Variants in OLFM2 observed in about 807,000 individuals in gnomAD.
OLFM2 encodes the protein noelin-2.
In OLFM2, 20 loss-of-function variants were observed where a neutral mutation model predicts 43.9. The observed-to-expected ratio is 0.46, with a 90% CI of 0.32 to 0.66. The LOEUF (loss-of-function observed/expected upper bound fraction) is 0.66. OLFM2 is among the 30% of genes least tolerant of loss of function. OLFM2 has a pLI of 0.04. For synonymous variants in OLFM2, 268 were observed against 278.6 expected, an observed-to-expected ratio of 0.96 and a Z score of 0.38; for missense variants, 416 against 643.6, an observed-to-expected ratio of 0.65 and a Z score of 3.83.
intron 1 of OLFM2, among the ~76,000 whole-genome samples, chr19:9,875,677 TTTG>T (rs2046481248): frequency 6.8e-6 from 1 of 147,654 alleles, no homozygotes; most frequent in African/African-American, 2.6e-5. Context: ...TTGTTTTTCT[TTTG>T]TTTTTTGTTT....
chr19:9,917,621 C>G (rs12982962), intron 1 of OLFM2, among the ~76,000 whole-genome samples: 63,085 of 151,896 alleles, frequency 0.42, 13,701 homozygotes, highest in Admixed American at 0.55. Context: ...CACATCCTCT[C>G]TTTGCCATGT....
intron 1 of OLFM2, among the ~76,000 whole-genome samples, chr19:9,901,052 G>A (rs1249015131): frequency 6.0e-5 from 4 of 67,226 alleles, no homozygotes; most frequent in Non-Finnish European, 1.2e-4. Context: ...GGAGGGAAGG[G>A]AGGGAGGGAG....
chr19:9,906,065 T>C (rs1365789790), intron 1 of OLFM2, among the ~76,000 whole-genome samples: 1 of 152,156 alleles, frequency 6.6e-6, no homozygotes, highest in Non-Finnish European at 1.5e-5. Context: ...AAACATGCTA[T>C]GACACGCTCT....
At chr19:9,906,854 C>T (rs1185578758) in intron 1 of OLFM2, among the ~76,000 whole-genome samples, 1 of 152,148 alleles carries the variant, frequency 6.6e-6, no homozygotes, top group African/African-American at 2.4e-5. Context: ...GCCCTAGCTA[C>T]CCTCCCCTTC....
chr19:9,915,190 C>G (rs7246778), intron 1 of OLFM2, among the ~76,000 whole-genome samples: 9,405 of 151,346 alleles, frequency 0.062, 885 homozygotes, highest in African/African-American at 0.2. Flanking sequence ...GAACAACAGA[C>G]AAAAATGCCT....
chr19:9,923,584 G>A (rs1599502735), intron 1 of OLFM2, among the ~76,000 whole-genome samples: 6 of 115,038 alleles, frequency 5.2e-5, no homozygotes, highest in Admixed American at 9.5e-5. Flanking sequence ...AGAAAAGAAA[G>A]AAAGAAAGAA....
At chr19:9,898,672 A>C (rs1353094672) in intron 1 of OLFM2, among the ~76,000 whole-genome samples, 3 of 151,912 alleles carry the variant, frequency 2.0e-5, no homozygotes, top group Non-Finnish European at 4.4e-5. Flanking sequence ...CCCCCTCCTT[A>C]TCTTTAAGAA....
chr19:9,905,798 C>A (rs116352274), intron 1 of OLFM2, among the ~76,000 whole-genome samples: 2 of 152,132 alleles, frequency 1.3e-5, no homozygotes, highest in Non-Finnish European at 2.9e-5. Flanking sequence ...AGAAGAAAAG[C>A]TTTACCTGCA....
At chr19:9,886,714 C>T (rs2046590294) in intron 1 of OLFM2, among the ~76,000 whole-genome samples, 1 of 148,384 alleles carries the variant, frequency 6.7e-6, no homozygotes, top group Non-Finnish European at 1.5e-5. Context: ...ACCTTACATT[C>T]ATCTCGTTTC....
chr19:9,863,430 C>T (rs2145437628), intron 1 of OLFM2, among the ~76,000 whole-genome samples: 1 of 151,846 alleles, frequency 6.6e-6, no homozygotes, highest in East Asian at 1.9e-4. Context: ...GGAGGGAGGC[C>T]AGGGCAGGGG....
chr19:9,910,691 A>G (rs2046820323), intron 1 of OLFM2, among the ~76,000 whole-genome samples: 1 of 152,184 alleles, frequency 6.6e-6, no homozygotes, highest in African/African-American at 2.4e-5. Flanking sequence ...GCATGCATGG[A>G]GGAATTGGTG....
chr19:9,866,404 TG>T (rs2046402520), intron 1 of OLFM2, among the ~76,000 whole-genome samples: 1 of 151,810 alleles, frequency 6.6e-6, no homozygotes, highest in Admixed American at 6.6e-5. Flanking sequence ...CAACAGCAGG[TG>T]CAAGAACACA....
intron 1 of OLFM2, among the ~76,000 whole-genome samples, chr19:9,923,911 C>T (rs1016479312): frequency 6.6e-6 from 1 of 150,948 alleles, no homozygotes; most frequent in African/African-American, 2.4e-5. Context: ...ACCAACCTGG[C>T]CAACATGTCG....
chr19:9,861,639 G>A (rs2046366211), intron 1 of OLFM2, among the ~76,000 whole-genome samples: 1 of 152,220 alleles, frequency 6.6e-6, no homozygotes, highest in South Asian at 2.1e-4. Flanking sequence ...CTGGGAAAAG[G>A]ATGCTCTGTG....
chr19:9,912,418 T>C (rs747259455), intron 1 of OLFM2, among the ~76,000 whole-genome samples: 1 of 150,662 alleles, frequency 6.6e-6, no homozygotes, highest in African/African-American at 2.4e-5. Flanking sequence ...CAAGGGAGGG[T>C]TGGTGAAGTT....
intron 1 of OLFM2, among the ~76,000 whole-genome samples, chr19:9,868,833 A>G (rs934290385): frequency 3.3e-5 from 5 of 152,034 alleles, no homozygotes; most frequent in African/African-American, 1.2e-4. Flanking sequence ...CTACTCAGGA[A>G]GCTGAAGTAG....
chr19:9,879,423 T>A (rs10418568), intron 1 of OLFM2, among the ~76,000 whole-genome samples: 1 of 151,672 alleles, frequency 6.6e-6, no homozygotes, highest in Non-Finnish European at 1.5e-5. Context: ...TGAGCCACCG[T>A]ACCCAGCCAA....
intron 1 of OLFM2, among the ~76,000 whole-genome samples, chr19:9,892,293 T>C (rs2046646895): frequency 6.6e-6 from 1 of 152,144 alleles, no homozygotes; most frequent in Non-Finnish European, 1.5e-5. Flanking sequence ...ATCACTCAAG[T>C]CTGTATCAGA....
At chr19:9,875,033 C>A (rs185635541) in intron 1 of OLFM2, among the ~76,000 whole-genome samples, 2 of 152,312 alleles carry the variant, frequency 1.3e-5, no homozygotes, top group Admixed American at 1.3e-4. Context: ...GAATGGCCAT[C>A]ACTGAGAGCT....
Sources: allele counts gnomAD v4.1 joint callset (sites outside exome capture counted in the v4.1 genomes callset), GRCh38; gene constraint gnomAD v4.1.1; transcripts MANE v1.5; gene names NCBI Gene and HGNC (gene_info 2026-07-23, HGNC 2026-07-21).